FMNL2: variants seen among roughly 807,000 people sequenced by gnomAD.
The protein encoded by FMNL2 is formin like 2.
FMNL2 carries 51 observed loss-of-function variants against 130.2 expected under a neutral mutation model. The observed-to-expected ratio is 0.39, with a 90% CI of 0.31 to 0.49. The LOEUF (loss-of-function observed/expected upper bound fraction) is 0.49, where lower values mean the gene tolerates loss of function less well. FMNL2 is among the 20% of genes least tolerant of loss of function. The pLI is 0.85. For missense variants in FMNL2, 977 were observed against 1,316.2 expected (o/e 0.74, Z 3.99); for synonymous variants, 465 against 467.1 (o/e 1.00, Z 0.06).
chr2:152,553,468 A>C (rs1272379195), intron 4 of FMNL2, among the ~76,000 whole-genome samples: 3 of 151,826 alleles, frequency 2.0e-5, no homozygotes, highest in Non-Finnish European at 2.9e-5. Context: ...ATTCCACACA[A>C]GTTAGAAGCA....
chr2:152,547,436 T>C (rs1694706638), intron 3 of FMNL2, among the ~76,000 whole-genome samples: 1 of 152,222 alleles, frequency 6.6e-6, no homozygotes, highest in Non-Finnish European at 1.5e-5. Flanking sequence ...CTTCTTACTA[T>C]ACCTGGATTC....
intron 1 of FMNL2, among the ~76,000 whole-genome samples, chr2:152,463,586 C>A (rs1689365654): frequency 6.6e-6 from 1 of 152,156 alleles, no homozygotes; most frequent in Non-Finnish European, 1.5e-5. Flanking sequence ...TTTGAAGTTC[C>A]CCTCTTAGAC....
At chr2:152,601,650 C>CTCTTT (rs200070633) in intron 9 of FMNL2, among the ~76,000 whole-genome samples, 1,279 of 96,982 alleles carry the variant, frequency 0.013, 29 homozygotes, top group African/African-American at 0.037. Flanking sequence ...ATCTAAGGCT[C>CTCTTT]TCTTTTCTTT....
chr2:152,400,220 G>A (rs940552526), intron 1 of FMNL2, among the ~76,000 whole-genome samples: 3 of 152,118 alleles, frequency 2.0e-5, no homozygotes, highest in African/African-American at 4.8e-5. Flanking sequence ...ATCACTTGAG[G>A]TCGGGGTTTA....
At chr2:152,355,354 T>A (rs10497100) in intron 1 of FMNL2, among the ~76,000 whole-genome samples, 13,424 of 152,296 alleles carry the variant, frequency 0.088, 671 homozygotes, top group African/African-American at 0.14. Flanking sequence ...CTTTATTCCA[T>A]TGAAAATAAG....
At chr2:152,398,694 A>G (rs941105524) in intron 1 of FMNL2, among the ~76,000 whole-genome samples, 2 of 152,236 alleles carry the variant, frequency 1.3e-5, no homozygotes, top group African/African-American at 4.8e-5. Flanking sequence ...GTTATGAGAT[A>G]TGCACCATTA....
intron 1 of FMNL2, among the ~76,000 whole-genome samples, chr2:152,444,239 A>C (rs1446833003): frequency 6.6e-6 from 1 of 152,130 alleles, no homozygotes; most frequent in Non-Finnish European, 1.5e-5. Flanking sequence ...ATGTAATAGG[A>C]AGATTCAGAG....
intron 1 of FMNL2, among the ~76,000 whole-genome samples, chr2:152,520,188 C>T (rs1008886393): frequency 2.4e-4 from 37 of 152,114 alleles, no homozygotes; most frequent in African/African-American, 8.4e-4. Flanking sequence ...AACATTTTCC[C>T]ATATTAGATG....
At chr2:152,356,242 C>T (rs1399890196) in intron 1 of FMNL2, among the ~76,000 whole-genome samples, 1 of 152,216 alleles carries the variant, frequency 6.6e-6, no homozygotes, top group African/African-American at 2.4e-5. Context: ...TCTGTCTCAG[C>T]CTTCCGAGTA....
chr2:152,615,707 T>C (rs1698910941), intron 12 of FMNL2, among the ~76,000 whole-genome samples: 1 of 152,216 alleles, frequency 6.6e-6, no homozygotes. Flanking sequence ...ATGGTGCTTC[T>C]CAAAAACCCA....
rs1694808042 is a variant in FMNL2 at position 152,549,200 on chromosome 2, A to G, written c.359+103A>G. On this transcript the variant is annotated intron_variant, in intron 4 of 25. Transcript: ENST00000288670. ...TGAGCTTCCTTATGGGCCATTATAA[A>G]TTAAAAGACTGAGGTTTTAGTAGAT... 5.6e-6 allele frequency: 4 copies of G among 720,588 alleles called. No homozygotes were observed. In the South Asian group the frequency reaches 1.2e-4, roughly 21 times the overall value. 44.6% of individuals were successfully genotyped at this position (720,588 alleles called of 1,614,324 possible). A position where few individuals can be genotyped will look rare whatever the true frequency, so the allele number is the denominator to read the frequency against.
chr2:152,406,181 A>C (rs1685969803), intron 1 of FMNL2, among the ~76,000 whole-genome samples: 1 of 152,226 alleles, frequency 6.6e-6, no homozygotes, highest in Non-Finnish European at 1.5e-5. Flanking sequence ...AATGTCTGCA[A>C]TGTGGTTAAA....
intron 15 of FMNL2, among the ~76,000 whole-genome samples, chr2:152,622,380 G>T (rs911075163): frequency 6.6e-6 from 1 of 152,198 alleles, no homozygotes; most frequent in African/African-American, 2.4e-5. Flanking sequence ...TTGGAGGCAG[G>T]CCTGAATGGA....
chr2:152,337,601 T>C (rs1681550199), intron 1 of FMNL2, among the ~76,000 whole-genome samples: 1 of 152,126 alleles, frequency 6.6e-6, no homozygotes, highest in Non-Finnish European at 1.5e-5. Context: ...AAAAATAATG[T>C]CCCATCATTA....
chr2:152,542,056 C>T (rs954924596), intron 2 of FMNL2, among the ~76,000 whole-genome samples: 1 of 152,122 alleles, frequency 6.6e-6, no homozygotes, highest in East Asian at 1.9e-4. Flanking sequence ...TTGGGCCCCA[C>T]CTCTGACCTA....
chr2:152,644,926 TAG>T (rs1346187573), intron 25 of FMNL2, among the ~76,000 whole-genome samples: 2 of 152,194 alleles, frequency 1.3e-5, no homozygotes, highest in Non-Finnish European at 2.9e-5. Flanking sequence ...TCTAGTTGAT[TAG>T]AAAAGAGACA....
At chr2:152,538,319 G>A (rs551077562) in intron 2 of FMNL2, among the ~76,000 whole-genome samples, 3 of 151,772 alleles carry the variant, frequency 2.0e-5, no homozygotes, top group South Asian at 2.1e-4. Flanking sequence ...AGACTCTGTC[G>A]CCCAGACTGG....
rs892208051 is a variant in FMNL2, at chr2:152,593,485, G to A, written c.876+12436G>A. The stretch of plus-strand genomic sequence containing the variant: ...AGGGGAGAGATGCTGGAGTCTGGAA[G>A]ACAGGTGGTTCAGTTGTCAAATGAC... On this transcript the variant is annotated intron_variant, in intron 9 of 25. Coordinates refer to ENST00000288670, the MANE Select transcript of FMNL2 (RefSeq NM_052905.4). Among the ~76,000 whole-genome samples, 3 of 152,302 alleles carry A rather than the reference G, an allele frequency of 2.0e-5. No homozygotes were observed. In the East Asian group the frequency reaches 5.8e-4, roughly 29 times the overall value.
At chr2:152,424,146 A>G (rs906297147) in intron 1 of FMNL2, among the ~76,000 whole-genome samples, 1 of 152,156 alleles carries the variant, frequency 6.6e-6, no homozygotes, top group African/African-American at 2.4e-5. Flanking sequence ...TCGGCCTCAA[A>G]GGGAAAATGA....
Sources: gnomAD v4.1 joint callset for allele counts (sites outside exome capture counted in the v4.1 genomes callset) on GRCh38, gnomAD v4.1.1 for gene constraint, MANE v1.5 for transcripts, NCBI Gene and HGNC (gene_info 2026-07-23, HGNC 2026-07-21) for gene names.